Variants in NIBAN3 observed in about 807,000 individuals in gnomAD.
NIBAN3 encodes the protein protein Niban 3.
NIBAN3 carries 66 observed loss-of-function variants against 76.4 expected under a neutral mutation model. The ratio of observed to expected loss-of-function variants is 0.86; its 90% confidence interval spans 0.71 to 1.06. The LOEUF is 1.06. Among genes scored for constraint, NIBAN3 ranks in the 50% least tolerant of loss-of-function variants. The pLI, the probability that NIBAN3 is intolerant of heterozygous loss-of-function variation, is 0.00. For missense variants in NIBAN3, 808 were observed against 810.7 expected, an observed-to-expected ratio of 1.00 and a Z score of 0.04; for synonymous variants, 360 against 355.2, an observed-to-expected ratio of 1.01 and a Z score of -0.15.
chr19:17,533,604 C>A lies in NIBAN3; in HGVS notation c.330C>A (p.Gly110=). The change falls in exon 4 of 15, where the codon GGC becomes GGA. Residue 110 remains glycine, a synonymous_variant. Coordinates refer to ENST00000599164, the MANE Select transcript of NIBAN3 (RefSeq NM_001321827.2). ...FSHKEEYENG[G]HCLGSTALTG... ...TTTTGTAGGAATATGAAAACGGGGG[C>A]CACTGCCTTGGCTCAACAGCCCTGA... 1.9e-6 allele frequency: 3 copies of A among 1,613,798 alleles called. No homozygotes were observed. Among genetic ancestry groups the A allele is most frequent in the African/African-American group, 1.3e-5 (1 of 75,010 alleles).
In NIBAN3 at chr19:17,551,890, C is replaced by T. The variant is rs747244861; in HGVS notation, c.1855C>T (p.Arg619Trp). ...CCCACCGCCTTCTCCAGGAACATTC[C>T]GGAGCTGAATCTTCACCCACATCTA... is the stretch of plus-strand genomic sequence containing the variant. ...LCPPPSPGTF[R>W]S Residue 619 changes from arginine (R) to tryptophan (W), a missense_variant, in exon 15 of 15, where the codon CGG becomes TGG. Physicochemically the swap from Arg to Trp is moderately radical, Grantham distance 101 (BLOSUM62 -3). Transcript: ENST00000599164. 10 of 778,004 alleles carry T rather than the reference C, an allele frequency of 1.3e-5. No homozygotes were observed. Among genetic ancestry groups the T allele is most frequent in the South Asian group, 6.7e-5 (5 of 74,498 alleles). The allele number at this position is 778,004 out of a possible 1,614,324, so 48.2% of individuals were successfully genotyped here.
Position 17,539,411 on chromosome 19 carries a change from T to G in NIBAN3, c.776T>G (p.Leu259Arg), listed in dbSNP as rs181869656. 2 of 1,524,856 alleles carry G rather than the reference T, an allele frequency of 1.3e-6. No homozygotes were observed. The highest frequency in any genetic ancestry group is 2.1e-5 in the Admixed American group (1 of 47,748). 94.5% of individuals were successfully genotyped at this position (1,524,856 alleles called of 1,614,324 possible). ...CTGCGAGCCCAGACCCTTCCTGGCC[T>G]GCGGGGGGCAGGCCGCGCCCGCGCC... ...PALRAQTLPG[L>R]RGAGRARAWA... The change falls in exon 7 of 15, where the codon CTG becomes CGG. Residue 259 changes from leucine to arginine, a missense_variant. By Grantham distance (102) the Leu-to-Arg change is moderately radical (BLOSUM62 -2). Transcript: ENST00000599164.
upstream of NIBAN3, chr19:17,523,409 G>A: frequency 6.5e-7 from 1 of 1,548,946 alleles, no homozygotes; most frequent in Non-Finnish European, 8.7e-7. Flanking sequence ...GTCCCGGCAG[G>A]CCACTCAGAT....
At chr19:17,533,730 G>C in intron 4 of NIBAN3, 29 bp downstream of exon 4, 22 of 1,518,400 alleles carry the variant, frequency 1.4e-5, no homozygotes, top group Non-Finnish European at 1.9e-5. Context: ...CCAGGAACAG[G>C]TTTCTCCACC....
downstream of NIBAN3, among the ~76,000 whole-genome samples, chr19:17,554,215 C>T (rs2076195511): frequency 1.3e-5 from 2 of 152,072 alleles, no homozygotes; most frequent in Admixed American, 6.6e-5. Flanking sequence ...GGCATGATGG[C>T]TCACTGGTAA....
chr19:17,537,428 C>T lies in NIBAN3; in HGVS notation c.480C>T (p.Phe160=), dbSNP rs1599728049. The T allele has an allele frequency of 6.2e-7, 1 of 1,614,142 alleles. No homozygotes were observed. The highest frequency in any genetic ancestry group is 1.7e-5 in the Admixed American group (1 of 60,022). ...CCCTCTTGGAAGTGCCTGTGAGCTT[C>T]CCGCTGTTCCTGCAGCACCCCTTCC... ...PDSLLEVPVS[F]PLFLQHPFRR... Residue 160 remains phenylalanine (F), a synonymous_variant, in exon 5 of 15, where the codon TTC becomes TTT. Coordinates refer to ENST00000599164, the MANE Select transcript of NIBAN3 (RefSeq NM_001321827.2).
intron 13 of NIBAN3, among the ~76,000 whole-genome samples, chr19:17,549,229 G>A (rs1429039062): frequency 6.6e-6 from 1 of 152,214 alleles, no homozygotes; most frequent in African/African-American, 2.4e-5. Flanking sequence ...AGAGCAGCAT[G>A]TTGGGAGGTG....
chr19:17,541,519 T>C (rs2075951817), intron 9 of NIBAN3, among the ~76,000 whole-genome samples: 1 of 152,170 alleles, frequency 6.6e-6, no homozygotes, highest in Non-Finnish European at 1.5e-5. Context: ...AGACAGAACA[T>C]GAGATGGTAT....
rs1231989236 is a variant in NIBAN3 at position 17,552,203 on chromosome 19, C to G, written c.*305C>G. On this transcript the variant is annotated 3_prime_UTR_variant, in exon 15 of 15. Coordinates refer to ENST00000599164, the MANE Select transcript of NIBAN3 (RefSeq NM_001321827.2). ...AAGCGATTCTCCTGCCTCAGCCTCC[C>G]GAGTAGCTGAGATTTCAGGCACCCG... The G allele has an allele frequency of 5.6e-6, 1 of 177,580 alleles. No homozygotes were observed. Among genetic ancestry groups the G allele is most frequent in the Non-Finnish European group, 1.2e-5 (1 of 84,722 alleles). The allele number at this position is 177,580 out of a possible 1,614,324, so 11.0% of individuals were successfully genotyped here.
chr19:17,542,328 C>A lies in NIBAN3; in HGVS notation c.1329+34C>A, dbSNP rs772280658. On this transcript the variant is annotated intron_variant, in intron 10 of 14. Coordinates refer to ENST00000599164, the MANE Select transcript of NIBAN3 (RefSeq NM_001321827.2). The surrounding 1 kb of genome is among the most constrained non-coding windows in gnomAD (Gnocchi z 4.8). ...GAGAGGAGGCTGGGATGAGGCCAGG[C>A]TGTGAAGACAGCCTCCACTGACCTC... 6.4e-7 allele frequency: 1 copy of A among 1,564,880 alleles called. No homozygotes were observed. The highest frequency in any genetic ancestry group is 1.2e-5 in the South Asian group (1 of 82,792).
chr19:17,541,252 TAC>T (rs2075947375), intron 9 of NIBAN3, among the ~76,000 whole-genome samples: 1 of 151,912 alleles, frequency 6.6e-6, no homozygotes, highest in African/African-American at 2.4e-5. Context: ...CATACATACA[TAC>T]ATACATACAT....
rs546848282 is a variant in NIBAN3, at chr19:17,538,469, G to A, written c.596-681G>A. 5.3e-5 allele frequency among the ~76,000 whole-genome samples: 8 copies of A among 150,568 alleles called. No homozygotes were observed. The East Asian group carries it at 1.6e-3, about 29-fold the overall frequency. On this transcript the variant is annotated intron_variant, in intron 5 of 14. Coordinates refer to ENST00000599164, the MANE Select transcript of NIBAN3 (RefSeq NM_001321827.2). ...CCAGCCAGATGAAGAAGGGGAATAG[G>A]TCAGGCACAGTGGCGTGGTGGCATG...
chr19:17,530,611 G>T, intron 1 of NIBAN3, 144 bp from the exon 2 acceptor site: 1 of 565,606 alleles, frequency 1.8e-6, no homozygotes, highest in Non-Finnish European at 2.9e-6. Flanking sequence ...GGTGAAGGAT[G>T]AATGAAATTT....
intron 4 of NIBAN3, 90 bp from the exon 5 acceptor site, chr19:17,537,285 TG>T: frequency 7.9e-7 from 1 of 1,268,930 alleles, no homozygotes; most frequent in Non-Finnish European, 1.1e-6. Flanking sequence ...ATCGAGCAAC[TG>T]CCCATGCCAG....
At chr19:17,553,883 T>TTC, downstream of NIBAN3, 1 of 195,930 alleles carries the variant, frequency 5.1e-6, no homozygotes, top group African/African-American at 2.4e-5. Flanking sequence ...TTTTTTTTTT[T>TTC]TTTTTGAGAC....
Position 17,546,718 on chromosome 19 carries a change from C to T in NIBAN3, c.1587C>T (p.Ala529=), listed in dbSNP as rs536441322. 4.7e-5 allele frequency: 75 copies of T among 1,598,892 alleles called. No homozygotes were observed. In the East Asian group the frequency reaches 9.0e-4, roughly 19 times the overall value. ...CTGAGTTCGAGGGGGATGTCCTTGC[C>T]GTGGGCAGCCAGGCTCTGACCACTG... ...ELPEFEGDVL[A]VGSQALTTEG... is the part of the protein sequence containing the mutation. The change falls in exon 13 of 15, where the codon GCC becomes GCT. Residue 529 remains alanine (A), a synonymous_variant. Transcript: ENST00000599164.
At chr19:17,538,415 TA>T (rs74658358) in intron 5 of NIBAN3, among the ~76,000 whole-genome samples, 5,678 of 115,092 alleles carry the variant, frequency 0.049, 151 homozygotes, top group South Asian at 0.087. Context: ...GACTCTGTCT[TA>T]AAAAAAAAAA....
chr19:17,553,365 C>T lies in NIBAN3; in HGVS notation c.*1467C>T, dbSNP rs770435518. The T allele has an allele frequency of 2.5e-5, 40 of 1,613,956 alleles. No individual in the cohort carries two copies. The Admixed American group carries it at 4.2e-4, about 17-fold the overall frequency. ...TCCTGGCTGGGAGACAAGCTTTTAC[C>T]GACTTCCTCTGCTTGCCAGCAAAGT... On this transcript the variant is annotated 3_prime_UTR_variant, in exon 15 of 15. Transcript: ENST00000599164.
In NIBAN3 at chr19:17,538,709, GAGAA is replaced by G. The variant is rs778704994; in HGVS notation, c.596-432_596-429del. Reference sequence around the variant, plus strand: ...GAAAGGAAAGAAAAAGAAAAGAAAGGAGAAAGAAAGAAGAAAGAAAGCAAGAAAG... The same window carrying G: ...GAAAGGAAAGAAAAAGAAAAGAAAGGAGAAAGAAGAAAGAAAGCAAGAAAG... On this transcript the variant is annotated intron_variant, in intron 5 of 14. Transcript: ENST00000599164. Among the ~76,000 whole-genome samples the G allele has an allele frequency of 5.0e-3, 707 of 141,234 alleles. 8 individuals are homozygous for G. Among genetic ancestry groups the G allele is most frequent in the African/African-American group, 0.017 (643 of 37,944 alleles). 92.7% of individuals were successfully genotyped at this position (141,234 alleles called of 152,430 possible). A position where few individuals can be genotyped will look rare whatever the true frequency, so the allele number is the denominator to read the frequency against.
Sources: allele counts gnomAD v4.1 joint callset (sites outside exome capture counted in the v4.1 genomes callset), GRCh38; gene constraint gnomAD v4.1.1; non-coding constraint Gnocchi (gnomAD v3.1); transcripts MANE v1.5; gene names NCBI Gene and HGNC (gene_info 2026-07-23, HGNC 2026-07-21).